The following PFKP variants were observed in gnomAD, a reference collection of about 807,000 sequenced individuals.
The protein encoded by PFKP is ATP-dependent 6-phosphofructokinase, platelet type.
In PFKP, 101 loss-of-function variants were observed where a neutral mutation model predicts 94.3. That is an observed-to-expected ratio of 1.07 (90% CI 0.91 to 1.26). PFKP has a LOEUF of 1.26. PFKP is among the 50% of genes most tolerant of loss of function. The pLI, the probability that PFKP is intolerant of heterozygous loss-of-function variation, is 0.00. For synonymous variants in PFKP, 573 were observed against 432.6 expected, an observed-to-expected ratio of 1.32 and a Z score of -4.03; for missense variants, 1,145 against 1,103.3, an observed-to-expected ratio of 1.04 and a Z score of -0.53.
chr10:3,069,148 C>A, intron 1 of PFKP: 1 of 888,940 alleles, frequency 1.1e-6, no homozygotes, highest in Non-Finnish European at 1.5e-6. Context: ...GGCCCAGCGC[C>A]CCCCGCGGGA....
intron 1 of PFKP, among the ~76,000 whole-genome samples, chr10:3,080,832 G>C (rs1437886288): frequency 6.6e-6 from 1 of 152,194 alleles, no homozygotes; most frequent in Non-Finnish European, 1.5e-5. Flanking sequence ...GGTAATGTTG[G>C]GAGCAGGTGT....
chr10:3,125,326 GC>G, intron 16 of PFKP: 1 of 1,023,494 alleles, frequency 9.8e-7, no homozygotes, highest in Non-Finnish European at 1.2e-6. Flanking sequence ...CTAAGGATGA[GC>G]CGGATTTATT....
At position 3,069,413 on chromosome 10, in the gene PFKP, TCGGGA is replaced by T; in HGVS notation, c.112+1707_112+1711del. On this transcript the variant is annotated intron_variant, in intron 1 of 21. Coordinates refer to ENST00000381125, the MANE Select transcript of PFKP (RefSeq NM_002627.5). Reference sequence around the variant, plus strand: ...GGGTACGAATGGAGCCGCCTTGGGGTCGGGATAGGACCCAGAGTGGCTTCTCAGTC... The same window carrying T: ...GGGTACGAATGGAGCCGCCTTGGGGTTAGGACCCAGAGTGGCTTCTCAGTC... 3.8e-6 allele frequency: 6 copies of T among 1,572,450 alleles called. No homozygotes were observed. In the South Asian group the frequency reaches 5.9e-5, roughly 15 times the overall value.
At position 3,116,763 on chromosome 10, in the gene PFKP, G is replaced by T. The variant is rs762490301; in HGVS notation, c.1372-13G>T. 7 of 1,608,914 alleles carry T rather than the reference G, an allele frequency of 4.4e-6. No individual in the cohort carries two copies. In the East Asian group the frequency reaches 1.6e-4, roughly 36 times the overall value. ...GTTCACTTTAGCTGTTTCGTTCTGT[G>T]TTTGCACATTAGATCAAAGAAATCG... On this transcript the variant is annotated splice_polypyrimidine_tract_variant and intron_variant, in intron 13 of 21. Transcript: ENST00000381125.
intron 2 of PFKP, among the ~76,000 whole-genome samples, chr10:3,087,394 T>C (rs945852534): frequency 6.6e-5 from 10 of 152,146 alleles, no homozygotes; most frequent in African/African-American, 2.4e-4. Flanking sequence ...GACAACCTTG[T>C]CTGGCGGGGA....
chr10:3,135,771 C>G lies in PFKP; in HGVS notation c.2158C>G (p.Leu720Val), dbSNP rs369866022. ...KFTTDDSICV[L>V]GISKRNVIFQ... Reference sequence around the variant, plus strand: ...TACCACCGATGATTCCATTTGTGTGCTGGGAATAAGCAAAAGAAACGTTAT... The same window carrying G: ...TACCACCGATGATTCCATTTGTGTGGTGGGAATAAGCAAAAGAAACGTTAT... The change falls in exon 21 of 22, where the codon CTG becomes GTG. Residue 720 changes from leucine (L) to valine (V), a missense_variant. Leu to Val is a conservative substitution (Grantham distance 32). Transcript: ENST00000381125. 2.8e-5 allele frequency: 45 copies of G among 1,613,046 alleles called. No homozygotes were observed. The South Asian group carries it at 4.6e-4, about 17-fold the overall frequency.
chr10:3,093,708 A>G, intron 2 of PFKP, among the ~76,000 whole-genome samples: 1 of 139,546 alleles, frequency 7.2e-6, no homozygotes, highest in East Asian at 2.0e-4. Context: ...CAGTGGCGCA[A>G]TCTCAGCTCA....
rs1319792391 is a variant in PFKP, at chr10:3,117,680, G to T, written c.1442+834G>T. On this transcript the variant is annotated intron_variant, in intron 14 of 21. Coordinates refer to ENST00000381125, the MANE Select transcript of PFKP (RefSeq NM_002627.5). ...ATGAGCTCTGTGTGTGGGTGCCCTG[G>T]ACGGTAAAGCTCTAGGTAGAGGCAG... Among the ~76,000 whole-genome samples the T allele has an allele frequency of 2.0e-5, 3 of 152,264 alleles. No individual in the cohort carries two copies. In the East Asian group the frequency reaches 5.8e-4, roughly 29 times the overall value.
chr10:3,136,610 C>A lies in PFKP; in HGVS notation c.*31C>A. 6.2e-7 allele frequency: 1 copy of A among 1,607,668 alleles called. No individual in the cohort carries two copies. The highest frequency in any genetic ancestry group is 8.5e-7 in the Non-Finnish European group (1 of 1,175,482). ...TCCCGCCTGCATGTGCCTGCAGCCA[C>A]CGTGGACTGTCTGTTTTTGTAACAC... On this transcript the variant is annotated 3_prime_UTR_variant, in exon 22 of 22. Coordinates refer to ENST00000381125, the MANE Select transcript of PFKP (RefSeq NM_002627.5).
intron 1 of PFKP, among the ~76,000 whole-genome samples, chr10:3,074,078 G>A (rs1832400704): frequency 6.6e-6 from 1 of 152,334 alleles, no homozygotes; most frequent in South Asian, 2.1e-4. Context: ...GACCTCAAGT[G>A]ATCCACCTGC....
intron 10 of PFKP, among the ~76,000 whole-genome samples, chr10:3,109,779 CAGG>C (rs537838043): frequency 4.8e-4 from 73 of 152,256 alleles, no homozygotes; most frequent in African/African-American, 1.7e-3. Context: ...GTCGAGGATC[CAGG>C]TGGCCCCAGT....
In PFKP at chr10:3,111,573, C is replaced by T. The variant is rs12769056; in HGVS notation, c.1090-649C>T. ...TACTGTGCACCTGCTGTTTGTCAGG[C>T]GTCTTCCTGAGGGTCTGACATGCTT... On this transcript the variant is annotated intron_variant, in intron 10 of 21. Coordinates refer to ENST00000381125, the MANE Select transcript of PFKP (RefSeq NM_002627.5). Among the ~76,000 whole-genome samples the T allele has an allele frequency of 6.8e-3, 1,037 of 152,216 alleles. 6 individuals carry two copies. Among genetic ancestry groups the T allele is most frequent in the Middle Eastern group, 0.027 (8 of 294 alleles).
In PFKP at chr10:3,102,080, T is replaced by C. The variant is rs946700762; in HGVS notation, c.454+526T>C. On this transcript the variant is annotated intron_variant, in intron 4 of 21. Transcript: ENST00000381125. ...TCCCGGCTAAAACGGTGAAACCCCGTCTCTACTAAAAATACAAAAAATTAG... is the reference window on the plus strand; with the variant it reads ...TCCCGGCTAAAACGGTGAAACCCCGCCTCTACTAAAAATACAAAAAATTAG... Among the ~76,000 whole-genome samples, 55 of 150,726 alleles carry C rather than the reference T, an allele frequency of 3.6e-4. 2 individuals carry two copies. The highest frequency in any genetic ancestry group is 1.1e-3 in the African/African-American group (44 of 41,148).
chr10:3,105,278 ATCCCGCT>A, intron 6 of PFKP, 108 bp from the exon 7 acceptor site: 1 of 1,295,968 alleles, frequency 7.7e-7, no homozygotes, highest in Non-Finnish European at 1.1e-6. Context: ...AGGGGCCGGC[ATCCCGCT>A]TCATACCTGG....
At position 3,136,612 on chromosome 10, in the gene PFKP, G is replaced by A. The variant is rs3816704; in HGVS notation, c.*33G>A. 7.6e-3 allele frequency: 12,192 copies of A among 1,606,310 alleles called. 344 individuals carry two copies. In the East Asian group the frequency reaches 0.091, roughly 12 times the overall value. ...CCGCCTGCATGTGCCTGCAGCCACC[G>A]TGGACTGTCTGTTTTTGTAACACTT... On this transcript the variant is annotated 3_prime_UTR_variant, in exon 22 of 22. Coordinates refer to ENST00000381125, the MANE Select transcript of PFKP (RefSeq NM_002627.5).
At chr10:3,100,908 G>A (rs759934630) in intron 3 of PFKP, 6 of 1,522,800 alleles carry the variant, frequency 3.9e-6, no homozygotes, top group Non-Finnish European at 4.5e-6. Context: ...GTTCCTGCTG[G>A]TTTTACTTGC....
At chr10:3,099,457 A>T in intron 3 of PFKP, 105 bp downstream of exon 3, 1 of 870,008 alleles carries the variant, frequency 1.1e-6, no homozygotes. Flanking sequence ...AATAGAGATT[A>T]TGTGGACAGA....
At chr10:3,097,204 C>G (rs1455114626) in intron 2 of PFKP, among the ~76,000 whole-genome samples, 2 of 151,516 alleles carry the variant, frequency 1.3e-5, no homozygotes, top group Non-Finnish European at 2.9e-5. Flanking sequence ...ATTGTACTTA[C>G]AATATTCTGA....
At chr10:3,105,763 C>T (rs528109555) in intron 7 of PFKP, among the ~76,000 whole-genome samples, 23 of 152,316 alleles carry the variant, frequency 1.5e-4, no homozygotes, top group Admixed American at 5.2e-4. Context: ...GCGTGCCTAA[C>T]TCCGGCAGGC....
Sources: gnomAD v4.1 joint callset for allele counts (sites outside exome capture counted in the v4.1 genomes callset) on GRCh38, gnomAD v4.1.1 for gene constraint, MANE v1.5 for transcripts, NCBI Gene and HGNC (gene_info 2026-07-23, HGNC 2026-07-21) for gene names.